The following PCDH17 variants were observed in gnomAD, a reference collection of about 807,000 sequenced individuals.
PCDH17 encodes protocadherin 17.
PCDH17 carries 21 observed loss-of-function variants against 67.7 expected under a neutral mutation model. The observed-to-expected ratio is 0.31, with a 90% CI of 0.22 to 0.45. The LOEUF (loss-of-function observed/expected upper bound fraction) is 0.45. Ranked by LOEUF, PCDH17 falls within the 20% of genes least tolerant of loss-of-function variation. The pLI, the probability that PCDH17 is intolerant of heterozygous loss-of-function variation, is 1.00. For missense variants in PCDH17, 1,471 were observed against 1,564.8 expected (o/e 0.94, Z 1.01); for synonymous variants, 701 against 656.7 (o/e 1.07, Z -1.03).
chr13:57,719,434 A>G (rs1302802641), intron 3 of PCDH17, among the ~76,000 whole-genome samples: 2 of 152,022 alleles, frequency 1.3e-5, no homozygotes, highest in Admixed American at 1.3e-4. Flanking sequence ...TGACACAGAC[A>G]TTTATCTCAT....
chr13:57,709,792 T>A (rs1955758482), intron 3 of PCDH17: 1 of 152,290 alleles, frequency 6.6e-6, no homozygotes, highest in Non-Finnish European at 1.5e-5. Context: ...TTCTCTGTGA[T>A]CCAAATTTTA....
intron 1 of PCDH17, among the ~76,000 whole-genome samples, chr13:57,664,201 C>A (rs1161094758): frequency 1.3e-5 from 2 of 152,142 alleles, no homozygotes; most frequent in African/African-American, 2.4e-5. Context: ...CTCCACCTGG[C>A]CTTTCTTTGG....
At chr13:57,683,067 C>A (rs1291462560) in intron 3 of PCDH17, among the ~76,000 whole-genome samples, 1 of 151,780 alleles carries the variant, frequency 6.6e-6, no homozygotes, top group African/African-American at 2.4e-5. Context: ...GTGACTAAGC[C>A]AAAATTTTAG....
In PCDH17 at chr13:57,727,042, C is replaced by T. The variant is rs527270413; in HGVS notation, c.*1748C>T. Reference sequence around the variant, plus strand: ...TTACACCTTTCCTTGTGACATTTAGCGAGTTTCAAACTTACTTCCATATGA... The same window carrying T: ...TTACACCTTTCCTTGTGACATTTAGTGAGTTTCAAACTTACTTCCATATGA... On this transcript the variant is annotated 3_prime_UTR_variant, in exon 4 of 4. Transcript: ENST00000377918. The T allele has an allele frequency of 1.6e-4, 25 of 152,608 alleles. No individual in the cohort carries two copies. In the South Asian group the frequency reaches 2.5e-3, roughly 15 times the overall value. 9.5% of individuals were successfully genotyped at this position (152,608 alleles called of 1,614,324 possible).
At chr13:57,697,178 C>T (rs1204916498) in intron 3 of PCDH17, among the ~76,000 whole-genome samples, 1 of 151,416 alleles carries the variant, frequency 6.6e-6, no homozygotes, top group Non-Finnish European at 1.5e-5. Context: ...TAAGTGAAAA[C>T]CCCATGAATT....
chr13:57,680,089 C>G (rs1408211461), intron 3 of PCDH17, among the ~76,000 whole-genome samples: 1 of 150,976 alleles, frequency 6.6e-6, no homozygotes, highest in Non-Finnish European at 1.5e-5. Flanking sequence ...TTGAGGATAT[C>G]AACTCTCTAT....
rs1954737659 is a variant in PCDH17, at chr13:57,632,443, G to A, written c.-104G>A. 1 of 1,181,710 alleles carries A rather than the reference G, an allele frequency of 8.5e-7. No homozygotes were observed. The highest frequency in any genetic ancestry group is 1.2e-6 in the Non-Finnish European group (1 of 853,648). 73.2% of individuals were successfully genotyped at this position (1,181,710 alleles called of 1,614,324 possible). A position where few individuals can be genotyped will look rare whatever the true frequency, so the allele number is the denominator to read the frequency against. ...GGAAAAAAGGACCCATAGACTTGTG[G>A]CTCGCGTCGCGCGCGCACGCTGCGC... On this transcript the variant is annotated 5_prime_UTR_variant, in exon 1 of 4. Coordinates refer to ENST00000377918, the MANE Select transcript of PCDH17 (RefSeq NM_001040429.3).
At chr13:57,655,507 T>C (rs185782814) in intron 1 of PCDH17, among the ~76,000 whole-genome samples, 1 of 152,048 alleles carries the variant, frequency 6.6e-6, no homozygotes, top group East Asian at 1.9e-4. Context: ...GAATTTTACA[T>C]AATGATGGGA....
chr13:57,654,766 A>G (rs928715196), intron 1 of PCDH17, among the ~76,000 whole-genome samples: 3 of 152,034 alleles, frequency 2.0e-5, no homozygotes, highest in African/African-American at 7.2e-5. Flanking sequence ...AAAATAGACT[A>G]TTTCCATTGA....
chr13:57,689,101 G>C (rs1435658762), intron 3 of PCDH17, among the ~76,000 whole-genome samples: 1 of 152,000 alleles, frequency 6.6e-6, no homozygotes, highest in Non-Finnish European at 1.5e-5. Flanking sequence ...TGATGATAAA[G>C]ATGATGATAA....
chr13:57,678,684 A>T (rs1955418705), intron 3 of PCDH17, among the ~76,000 whole-genome samples: 1 of 151,632 alleles, frequency 6.6e-6, no homozygotes, highest in Non-Finnish European at 1.5e-5. Context: ...GAAAATTACC[A>T]AGATACTCTA....
chr13:57,641,050 A>C (rs1954886305), intron 1 of PCDH17, among the ~76,000 whole-genome samples: 1 of 151,936 alleles, frequency 6.6e-6, no homozygotes, highest in African/African-American at 2.4e-5. Context: ...ATGACTGTAT[A>C]TTAGTTAGAG....
rs149869348 is a variant in PCDH17, at chr13:57,673,206, C to T, written c.2797+6373C>T. On this transcript the variant is annotated intron_variant, in intron 3 of 3. Coordinates refer to ENST00000377918, the MANE Select transcript of PCDH17 (RefSeq NM_001040429.3). ...GGTTTGGGAAGTTCCTTTAGATCCT[C>T]CAATAAAACTTGTTTGTGGAGGTCT... Among the ~76,000 whole-genome samples, 279 of 152,020 alleles carry T rather than the reference C, an allele frequency of 1.8e-3. 2 individuals carry two copies. The highest frequency in any genetic ancestry group is 0.01 in the Middle Eastern group (3 of 294).
At chr13:57,652,526 G>C (rs902311259) in intron 1 of PCDH17, among the ~76,000 whole-genome samples, 1 of 152,130 alleles carries the variant, frequency 6.6e-6, no homozygotes, top group South Asian at 2.1e-4. Flanking sequence ...AAGATGTTAA[G>C]TCTTCTATAT....
At chr13:57,723,441 T>C (rs1401910223) in intron 3 of PCDH17, among the ~76,000 whole-genome samples, 1 of 152,202 alleles carries the variant, frequency 6.6e-6, no homozygotes, top group Non-Finnish European at 1.5e-5. Flanking sequence ...TTTGCTGCTA[T>C]TTTAAATATA....
intron 1 of PCDH17, among the ~76,000 whole-genome samples, chr13:57,637,234 T>C (rs945016880): frequency 6.6e-6 from 1 of 152,146 alleles, no homozygotes; most frequent in Non-Finnish European, 1.5e-5. Flanking sequence ...TTGAAATGTT[T>C]TGCACAGTGG....
intron 3 of PCDH17, among the ~76,000 whole-genome samples, chr13:57,675,072 A>T (rs1240445265): frequency 6.6e-6 from 1 of 151,906 alleles, no homozygotes. Context: ...GGCACATCAT[A>T]TCTGTAGCAG....
chr13:57,696,794 A>C (rs1224579800), intron 3 of PCDH17, among the ~76,000 whole-genome samples: 3 of 151,458 alleles, frequency 2.0e-5, no homozygotes, highest in Non-Finnish European at 4.4e-5. Context: ...CACAATGAGG[A>C]AAAAGCCTTT....
chr13:57,659,604 A>C (rs2138013537), intron 1 of PCDH17, among the ~76,000 whole-genome samples: 1 of 152,310 alleles, frequency 6.6e-6, no homozygotes, highest in African/African-American at 2.4e-5. Context: ...TTGCTGCCAA[A>C]ATTGTAAAAT....
Sources: gnomAD v4.1 joint callset for allele counts (sites outside exome capture counted in the v4.1 genomes callset) on GRCh38, gnomAD v4.1.1 for gene constraint, MANE v1.5 for transcripts, NCBI Gene and HGNC (gene_info 2026-07-23, HGNC 2026-07-21) for gene names.